Variants in DRC3 observed in about 807,000 individuals in gnomAD.
The protein encoded by DRC3 is leucine rich repeat containing 48.
A neutral mutation model predicts 57.6 loss-of-function variants in DRC3; 45 were observed. That is an observed-to-expected ratio of 0.78 (90% confidence interval 0.62 to 1.00). The LOEUF is 1.00. Among genes scored for constraint, DRC3 ranks in the 50% least tolerant of loss-of-function variants. The probability of loss-of-function intolerance (pLI) is 0.00; values close to 1 mark genes in which losing one functional copy is unlikely to be tolerated. For synonymous variants in DRC3, 257 were observed against 272.3 expected (o/e 0.94, Z 0.55); for missense variants, 655 against 675.2 (o/e 0.97, Z 0.33).
At chr17:17,976,303 G>T (rs2145180664) in intron 2 of DRC3, among the ~76,000 whole-genome samples, 1 of 152,346 alleles carries the variant, frequency 6.6e-6, no homozygotes, top group South Asian at 2.1e-4. Context: ...CCTGGAGTCA[G>T]CCTCACATTG....
At chr17:18,015,960 C>G (rs1175010766) in intron 12 of DRC3, 104 bp from the exon 13 acceptor site, 1 of 1,284,440 alleles carries the variant, frequency 7.8e-7, no homozygotes, top group East Asian at 2.3e-5. Context: ...TGAGTGTGGC[C>G]TGCACAGCCA....
intron 5 of DRC3, 52 bp downstream of exon 5, chr17:17,988,150 C>A (rs747120943): frequency 1.9e-6 from 3 of 1,567,940 alleles, no homozygotes; most frequent in Non-Finnish European, 1.7e-6. Flanking sequence ...CCTTGGAGCG[C>A]CGTGGGTTGA....
chr17:17,982,525 A>G (rs1296468308), intron 3 of DRC3, among the ~76,000 whole-genome samples: 1 of 139,140 alleles, frequency 7.2e-6, no homozygotes, highest in South Asian at 2.3e-4. Context: ...CACAGCACCA[A>G]TTTTGAAAAC....
At chr17:18,002,537 A>G (rs761780175) in intron 9 of DRC3, among the ~76,000 whole-genome samples, 1 of 152,152 alleles carries the variant, frequency 6.6e-6, no homozygotes, top group African/African-American at 2.4e-5. Context: ...AGTAGCTTCC[A>G]CTTGCTCACT....
intron 12 of DRC3, among the ~76,000 whole-genome samples, chr17:18,013,441 T>C (rs928506982): frequency 6.6e-6 from 1 of 152,186 alleles, no homozygotes; most frequent in African/African-American, 2.4e-5. Context: ...GTGGTACCTA[T>C]ACACAATGGA....
At chr17:17,995,149 C>T in intron 8 of DRC3, 38 bp downstream of exon 8, 1 of 1,490,836 alleles carries the variant, frequency 6.7e-7, no homozygotes, top group East Asian at 2.3e-5. Context: ...AGAGCCTCTG[C>T]CACCAGCCTG....
At position 17,977,866 on chromosome 17, in the gene DRC3, C is replaced by T. The variant is rs1597529097; in HGVS notation, c.160+108C>T. 3.0e-5 allele frequency: 36 copies of T among 1,211,582 alleles called. No individual in the cohort carries two copies. The East Asian group carries it at 8.9e-4, about 30-fold the overall frequency. 75.1% of individuals were successfully genotyped at this position (1,211,582 alleles called of 1,614,324 possible). A position where few individuals can be genotyped will look rare whatever the true frequency, so the allele number is the denominator to read the frequency against. Reference sequence around the variant, plus strand: ...ATGCAAAGTCCACGGTCGAGGTTCCCACATCAGCATTAGGGCCTACCTGGG... The same window carrying T: ...ATGCAAAGTCCACGGTCGAGGTTCCTACATCAGCATTAGGGCCTACCTGGG... On this transcript the variant is annotated intron_variant, in intron 3 of 13. Transcript: ENST00000399187.
At chr17:17,979,072 A>G (rs56790053) in intron 3 of DRC3, among the ~76,000 whole-genome samples, 6,157 of 152,304 alleles carry the variant, frequency 0.04, 425 homozygotes, top group African/African-American at 0.14. Context: ...TGTTTTATAG[A>G]GTGGCCAGGG....
chr17:17,990,741 C>T (rs1362398192), intron 5 of DRC3, among the ~76,000 whole-genome samples: 1 of 152,160 alleles, frequency 6.6e-6, no homozygotes, highest in Non-Finnish European at 1.5e-5. Context: ...CCTGTAATCC[C>T]AGCACTTTGG....
chr17:18,007,267 A>G lies in DRC3; in HGVS notation c.1326+120A>G, dbSNP rs2044012372. The G allele has an allele frequency of 5.2e-6, 5 of 962,538 alleles. No individual in the cohort carries two copies. The East Asian group carries it at 1.4e-4, about 27-fold the overall frequency. 59.6% of individuals were successfully genotyped at this position (962,538 alleles called of 1,614,324 possible). On this transcript the variant is annotated intron_variant, in intron 12 of 13. Transcript: ENST00000399187. ...AGAGCCTCAGTGTTCTCATCTGCAA[A>G]AGGGCACACTAACCTGCTTTACAGG...
intron 3 of DRC3, among the ~76,000 whole-genome samples, chr17:17,978,234 G>A (rs929324768): frequency 6.6e-6 from 1 of 152,198 alleles, no homozygotes; most frequent in African/African-American, 2.4e-5. Context: ...ACAGGCCCTT[G>A]AGGCAGGGAG....
At chr17:18,013,101 G>C (rs1373908762) in intron 12 of DRC3, among the ~76,000 whole-genome samples, 1 of 152,080 alleles carries the variant, frequency 6.6e-6, no homozygotes, top group Non-Finnish European at 1.5e-5. Flanking sequence ...CCAGAATGAG[G>C]CATCATCTCA....
chr17:18,005,872 G>C (rs957059325), intron 10 of DRC3: 2 of 359,180 alleles, frequency 5.6e-6, no homozygotes, highest in Admixed American at 7.8e-5. Flanking sequence ...AAAGGAGAGG[G>C]GGTTGGCTGT....
rs753129002 is a variant in DRC3, at chr17:17,995,115, T to C, written c.824+4T>C. Reference sequence around the variant, plus strand: ...GTGTCGGTGAGCTCCTTGAGACATATCCTTCTGAGTTCATGGCTGTCTCAG... The same window carrying C: ...GTGTCGGTGAGCTCCTTGAGACATACCCTTCTGAGTTCATGGCTGTCTCAG... On this transcript the variant is annotated splice_donor_region_variant and intron_variant, in intron 8 of 13. Transcript: ENST00000399187. 1.6e-5 allele frequency: 26 copies of C among 1,605,114 alleles called. No homozygotes were observed. Among genetic ancestry groups the C allele is most frequent in the Non-Finnish European group, 2.1e-5 (25 of 1,171,926 alleles).
In DRC3 at chr17:18,010,034, C is replaced by A. The variant is rs193030415; in HGVS notation, c.1326+2887C>A. Among the ~76,000 whole-genome samples, 390 of 152,290 alleles carry A rather than the reference C, an allele frequency of 2.6e-3. 4 individuals are homozygous for A. The highest frequency in any genetic ancestry group is 9.0e-3 in the African/African-American group (373 of 41,554). The stretch of plus-strand genomic sequence containing the variant: ...GTGCTGCCTGGCTGCTCTGAACATC[C>A]ACGCGGGTATCCGGCTGCGAGGGCA... On this transcript the variant is annotated intron_variant, in intron 12 of 13. Coordinates refer to ENST00000399187, the MANE Select transcript of DRC3 (RefSeq NM_031294.4).
In DRC3 at chr17:17,995,046, G is replaced by A. The variant is rs755670366; in HGVS notation, c.759G>A (p.Met253Ile). 42 of 1,613,846 alleles carry A rather than the reference G, an allele frequency of 2.6e-5. No individual in the cohort carries two copies. Among genetic ancestry groups the A allele is most frequent in the Admixed American group, 8.3e-5 (5 of 60,002 alleles). The change falls in exon 8 of 14, where the codon ATG (methionine) becomes ATA (isoleucine). Residue 253 changes from methionine (M) to isoleucine (I), a missense_variant. Transcript: ENST00000399187. Reference sequence around the variant, plus strand: ...ATGGCTCCTTCCTGTTTGACAGCATGTACGCTGAGGACTCAGAGGGCAACA... The same window carrying A: ...ATGGCTCCTTCCTGTTTGACAGCATATACGCTGAGGACTCAGAGGGCAACA... ...HLNGSFLFDS[M>I]YAEDSEGNNL... is the part of the protein sequence containing the mutation.
In DRC3 at chr17:18,008,374, G is replaced by T. The variant is rs776703702; in HGVS notation, c.1326+1227G>T. On this transcript the variant is annotated intron_variant, in intron 12 of 13. Coordinates refer to ENST00000399187, the MANE Select transcript of DRC3 (RefSeq NM_031294.4). The surrounding 1 kb of genome is among the most constrained non-coding windows in gnomAD (Gnocchi z 4.3). ...TAGTTTCAAACTACCTGGCTGATGT[G>T]TATTTGCTGCTGATGTGACTATTCA... Among the ~76,000 whole-genome samples the T allele has an allele frequency of 6.6e-6, 1 of 152,200 alleles. No individual in the cohort carries two copies. The highest frequency in any genetic ancestry group is 6.5e-5 in the Admixed American group (1 of 15,280).
chr17:17,995,253 C>T lies in DRC3; in HGVS notation c.824+142C>T, dbSNP rs753473585. 34 of 623,270 alleles carry T rather than the reference C, an allele frequency of 5.5e-5. 1 individual carries two copies. The highest frequency in any genetic ancestry group is 1.3e-4 in the Admixed American group (5 of 37,390). The allele number at this position is 623,270 out of a possible 1,614,324, so 38.6% of individuals were successfully genotyped here. ...AATCTCCACTTGAGAGCAATGTACCCAACAGGCAGTTCAGAGTCCGGTCAG... is the reference window on the plus strand; with the variant it reads ...AATCTCCACTTGAGAGCAATGTACCTAACAGGCAGTTCAGAGTCCGGTCAG... On this transcript the variant is annotated intron_variant, in intron 8 of 13. Coordinates refer to ENST00000399187, the MANE Select transcript of DRC3 (RefSeq NM_031294.4).
At chr17:17,988,339 T>C (rs549719261) in intron 5 of DRC3, 30 of 530,378 alleles carry the variant, frequency 5.7e-5, no homozygotes, top group Middle Eastern at 5.2e-4. Context: ...GGCGGTTCTT[T>C]CCCTGTGTCT....
Sources: gnomAD v4.1 joint callset for allele counts (sites outside exome capture counted in the v4.1 genomes callset) on GRCh38, gnomAD v4.1.1 for gene constraint, Gnocchi (gnomAD v3.1) non-coding constraint, MANE v1.5 for transcripts, NCBI Gene and HGNC (gene_info 2026-07-23, HGNC 2026-07-21) for gene names.